Variants in COL5A2 observed in about 807,000 individuals in gnomAD.
COL5A2 encodes the protein collagen type V alpha 2 chain, also known as collagen alpha-2(V) chain.
A neutral mutation model predicts 208.2 loss-of-function variants in COL5A2; 23 were observed. The ratio of observed to expected loss-of-function variants is 0.11; its 90% CI spans 0.08 to 0.16. The LOEUF (loss-of-function observed/expected upper bound fraction) is 0.16, where lower values mean the gene tolerates loss of function less well. Ranked by LOEUF, COL5A2 falls within the 10% of genes least tolerant of loss-of-function variation. COL5A2 has a pLI of 1.00. For synonymous variants in COL5A2, 625 were observed against 628.5 expected, an observed-to-expected ratio of 0.99 and a Z score of 0.08; for missense variants, 1,590 against 1,956.4, an observed-to-expected ratio of 0.81 and a Z score of 3.53.
chr2:189,165,915 C>T (rs940945859), intron 1 of COL5A2, among the ~76,000 whole-genome samples: 6 of 151,802 alleles, frequency 4.0e-5, no homozygotes, highest in Non-Finnish European at 5.9e-5. Flanking sequence ...TGCTTTTAGC[C>T]GAAAGAATAT....
the COL5A2 span, among the ~76,000 whole-genome samples, chr2:189,368,542 T>C: frequency 2.0e-5 from 3 of 152,202 alleles, no homozygotes; most frequent in Non-Finnish European, 1.5e-5. Context: ...GTTAATATAC[T>C]TTCCTTCATG....
At chr2:189,306,147 G>A in the COL5A2 span, among the ~76,000 whole-genome samples, 27 of 152,170 alleles carry the variant, frequency 1.8e-4, no homozygotes, top group Non-Finnish European at 1.5e-5. Context: ...CATGCACTAT[G>A]TGCTATGTAC....
intron 16 of COL5A2, among the ~76,000 whole-genome samples, chr2:189,076,016 T>C (rs1576510442): frequency 6.6e-6 from 1 of 152,190 alleles, no homozygotes; most frequent in Non-Finnish European, 1.5e-5. Context: ...ATACAAAGCA[T>C]TGGCCCTTAT....
intron 1 of COL5A2, among the ~76,000 whole-genome samples, chr2:189,195,432 T>C (rs561406775): frequency 3.3e-5 from 5 of 152,134 alleles, no homozygotes; most frequent in African/African-American, 1.2e-4. Flanking sequence ...CAAACTACGA[T>C]TGACATTCTT....
chr2:189,218,176 G>A (rs1196289336), intron 1 of COL5A2, among the ~76,000 whole-genome samples: 5 of 152,104 alleles, frequency 3.3e-5, no homozygotes, highest in African/African-American at 1.2e-4. Context: ...TGCTGTTATA[G>A]GTTTTCATAA....
intron 2 of COL5A2, among the ~76,000 whole-genome samples, chr2:189,106,991 T>A (rs1687163623): frequency 6.6e-6 from 1 of 151,478 alleles, no homozygotes; most frequent in Non-Finnish European, 1.5e-5. Context: ...TTATTTAGAA[T>A]TGTAAAAAAA....
At chr2:189,061,129 T>A (rs187817708) in intron 30 of COL5A2, among the ~76,000 whole-genome samples, 1 of 151,922 alleles carries the variant, frequency 6.6e-6, no homozygotes, top group Admixed American at 6.6e-5. Context: ...GTCCAGAAAG[T>A]TTTTTTTACA....
chr2:189,090,011 T>C (rs1244214658), intron 7 of COL5A2, among the ~76,000 whole-genome samples: 1 of 152,180 alleles, frequency 6.6e-6, no homozygotes, highest in Non-Finnish European at 1.5e-5. Context: ...TCTCTCACTT[T>C]ACATTGTAAG....
chr2:189,110,283 G>A lies in COL5A2; in HGVS notation c.264C>T (p.Pro88=). Residue 88 remains proline (P), a synonymous_variant, in exon 2 of 54, where the codon CCC becomes CCT. Transcript: ENST00000374866. The part of the protein sequence containing the change: ...DVLDCADPVT[P]PGECCPVCSQ... ...AACAGACAGGACAGCATTCCCCAGG[G>A]GGCGTTACAGGGTCGGCACAGTCCA... The A allele has an allele frequency of 6.2e-7, 1 of 1,614,084 alleles. No individual in the cohort carries two copies. The highest frequency in any genetic ancestry group is 1.7e-5 in the Admixed American group (1 of 59,998).
intron 1 of COL5A2, among the ~76,000 whole-genome samples, chr2:189,213,183 C>T (rs773024340): frequency 4.2e-4 from 64 of 152,070 alleles, no homozygotes; most frequent in African/African-American, 1.5e-3. Flanking sequence ...AGTCACCACG[C>T]CCTGCCTTAA....
the COL5A2 span, among the ~76,000 whole-genome samples, chr2:189,371,662 G>A: frequency 4.6e-5 from 7 of 152,180 alleles, no homozygotes; most frequent in East Asian, 3.9e-4. Context: ...GGTATCTGGC[G>A]GAAGTAATTT....
At chr2:189,109,277 A>G (rs1388701380) in intron 2 of COL5A2, among the ~76,000 whole-genome samples, 1 of 151,938 alleles carries the variant, frequency 6.6e-6, no homozygotes, top group Non-Finnish European at 1.5e-5. Context: ...TAGCTCTTAT[A>G]TGTCTTGGTT....
At chr2:189,194,922 C>T (rs1341279209) in intron 1 of COL5A2, among the ~76,000 whole-genome samples, 1 of 152,092 alleles carries the variant, frequency 6.6e-6, no homozygotes, top group Non-Finnish European at 1.5e-5. Context: ...GTATGTTGAA[C>T]AAGCCTTGCA....
In COL5A2 at chr2:189,189,893, C is replaced by T. The variant is rs367588644; in HGVS notation, c.-42+35255G>A. Among the ~76,000 whole-genome samples the T allele has an allele frequency of 9.4e-4, 143 of 152,120 alleles. No individual in the cohort carries two copies. The South Asian group carries it at 0.012, about 13-fold the overall frequency. On this transcript the variant is annotated intron_variant, in intron 1 of 10. Transcript: ENST00000649966. ...ACAAGGACCCATGCATTGATTATAC[C>T]GCTTAGAAATCAGCAGCAATCCAAA...
At chr2:189,049,241 T>G in intron 44 of COL5A2, 106 bp downstream of exon 44, 1 of 815,846 alleles carries the variant, frequency 1.2e-6, no homozygotes, top group Non-Finnish European at 2.1e-6. Flanking sequence ...AGAAACTTTC[T>G]TAAGGTCAAA....
the COL5A2 span, among the ~76,000 whole-genome samples, chr2:189,304,090 G>A: frequency 6.6e-6 from 1 of 152,106 alleles, no homozygotes; most frequent in African/African-American, 2.4e-5. Flanking sequence ...CTGTATGTAT[G>A]TATAACTATG....
chr2:189,395,861 A>T, the COL5A2 span, among the ~76,000 whole-genome samples: 1 of 131,486 alleles, frequency 7.6e-6, no homozygotes, highest in Non-Finnish European at 1.6e-5. Flanking sequence ...GCAGTGAGCT[A>T]AGATGGTGCC....
intron 5 of COL5A2, among the ~76,000 whole-genome samples, chr2:189,098,120 G>A (rs1367742746): frequency 6.6e-6 from 1 of 151,806 alleles, no homozygotes; most frequent in Non-Finnish European, 1.5e-5. Flanking sequence ...ATTATATTGT[G>A]TATTTACTCA....
chr2:189,277,955 G>A, the COL5A2 span, among the ~76,000 whole-genome samples: 1 of 151,978 alleles, frequency 6.6e-6, no homozygotes, highest in Non-Finnish European at 1.5e-5. Flanking sequence ...CCCCAGAAAT[G>A]TTACCTTTAC....
Sources: allele counts gnomAD v4.1 joint callset (sites outside exome capture counted in the v4.1 genomes callset), GRCh38; gene constraint gnomAD v4.1.1; transcripts MANE v1.5; gene names NCBI Gene and HGNC (gene_info 2026-07-23, HGNC 2026-07-21).